Variants in FYB1 observed in about 807,000 individuals in gnomAD.
FYB1 encodes FYN binding protein 1.
A neutral mutation model predicts 94.1 loss-of-function variants in FYB1; 41 were observed. That is an observed-to-expected ratio of 0.44 (90% CI 0.34 to 0.57). FYB1 has a LOEUF of 0.57. Among genes scored for constraint, FYB1 ranks in the 20% least tolerant of loss-of-function variants. FYB1 has a pLI of 0.02. For synonymous variants in FYB1, 367 were observed against 353.2 expected (o/e 1.04, Z -0.44); for missense variants, 1,050 against 976.8 (o/e 1.07, Z -1.00).
At chr5:39,169,773 G>T in intron 2 of FYB1, 1 of 492,244 alleles carries the variant, frequency 2.0e-6, no homozygotes, top group South Asian at 1.7e-5. Flanking sequence ...CTCAGTGCAG[G>T]CAGCATTTGA....
intron 2 of FYB1, among the ~76,000 whole-genome samples, chr5:39,183,255 G>T (rs1297808749): frequency 2.6e-5 from 4 of 151,966 alleles, no homozygotes; most frequent in Non-Finnish European, 5.9e-5. Flanking sequence ...CAAAATGCTG[G>T]GATTACAGGC....
intron 1 of FYB1, chr5:39,274,362 C>T (rs155082): frequency 0.82 from 124,285 of 152,194 alleles, 52,830 homozygotes; most frequent in Non-Finnish European, 0.93. Context: ...ATGTGCCTGG[C>T]TAAGACCCCT....
At chr5:39,273,362 T>C (rs1752716450) in intron 1 of FYB1, among the ~76,000 whole-genome samples, 1 of 152,250 alleles carries the variant, frequency 6.6e-6, no homozygotes, top group Non-Finnish European at 1.5e-5. Context: ...CTATAACTTG[T>C]AGTCCACAAG....
chr5:39,263,902 A>G (rs4957426), intron 1 of FYB1, among the ~76,000 whole-genome samples: 17,134 of 152,136 alleles, frequency 0.11, 1,224 homozygotes, highest in African/African-American at 0.2. Flanking sequence ...CCCACTCCTC[A>G]GCTCAGGTGT....
At chr5:39,157,629 C>T (rs1376349630) in intron 2 of FYB1, among the ~76,000 whole-genome samples, 2 of 151,770 alleles carry the variant, frequency 1.3e-5, no homozygotes, top group East Asian at 3.9e-4. Flanking sequence ...AAGTTTAGAC[C>T]TCAGTTGGCA....
At chr5:39,141,538 C>A (rs1406569863) in intron 3 of FYB1, among the ~76,000 whole-genome samples, 1 of 152,096 alleles carries the variant, frequency 6.6e-6, no homozygotes, top group Admixed American at 6.6e-5. Flanking sequence ...ACCTGTAATC[C>A]CAGCACTTTG....
chr5:39,130,508 C>T, intron 10 of FYB1, 82 bp downstream of exon 10: 1 of 1,124,626 alleles, frequency 8.9e-7, no homozygotes, highest in Non-Finnish European at 1.3e-6. Flanking sequence ...ATGCATGTAA[C>T]AAAATAACAC....
intron 2 of FYB1, among the ~76,000 whole-genome samples, chr5:39,198,537 A>G (rs1002098721): frequency 3.3e-5 from 5 of 152,220 alleles, no homozygotes; most frequent in African/African-American, 7.2e-5. Flanking sequence ...TATTTATGAC[A>G]GTTCAAATTA....
chr5:39,242,759 G>A (rs1420282393), intron 1 of FYB1, among the ~76,000 whole-genome samples: 1 of 152,172 alleles, frequency 6.6e-6, no homozygotes, highest in African/African-American at 2.4e-5. Context: ...CCCACCAACA[G>A]TGTAAAAATG....
chr5:39,201,195 T>G (rs182949314), intron 2 of FYB1, among the ~76,000 whole-genome samples: 14 of 152,332 alleles, frequency 9.2e-5, no homozygotes, highest in African/African-American at 3.1e-4. Flanking sequence ...GGAAACATGA[T>G]GAATTGTGTG....
intron 3 of FYB1, among the ~76,000 whole-genome samples, chr5:39,146,102 A>T (rs1409962213): frequency 2.0e-5 from 3 of 151,702 alleles, no homozygotes; most frequent in African/African-American, 7.3e-5. Flanking sequence ...TTTAATAGAG[A>T]CAGGGTTTCA....
chr5:39,148,158 TATATATATATATATATATA>T (rs1561175434), intron 3 of FYB1, among the ~76,000 whole-genome samples: 112 of 5,190 alleles, frequency 0.022, 2 homozygotes, highest in African/African-American at 0.072. Flanking sequence ...GTATTTTTTA[TATATATATATATATATATA>T]TATATATATA....
intron 1 of FYB1, among the ~76,000 whole-genome samples, chr5:39,257,604 G>A (rs1205230154): frequency 6.6e-6 from 1 of 151,920 alleles, no homozygotes; most frequent in Non-Finnish European, 1.5e-5. Flanking sequence ...GCACAGAGAA[G>A]GTAAATTGTA....
intron 3 of FYB1, among the ~76,000 whole-genome samples, chr5:39,142,142 C>G (rs1288266766): frequency 2.6e-5 from 4 of 152,178 alleles, no homozygotes; most frequent in African/African-American, 7.2e-5. Context: ...CTGGACATTA[C>G]AAACAATTGG....
At position 39,169,406 on chromosome 5, in the gene FYB1, A is replaced by G; in HGVS notation, c.1136-15802T>C. ...GAATTTTTCCGTACATTCCTGCCAG[A>G]TTAGTTTCTGTGCCATTAAAAAGAA... is the stretch of plus-strand genomic sequence containing the variant. On this transcript the variant is annotated intron_variant, in intron 2 of 18. Transcript: ENST00000512982. 9.3e-6 allele frequency: 7 copies of G among 752,924 alleles called. No individual in the cohort carries two copies. The South Asian group carries it at 9.4e-5, about 10-fold the overall frequency. The allele number at this position is 752,924 out of a possible 1,614,324, so 46.6% of individuals were successfully genotyped here.
chr5:39,170,727 C>G (rs1163843005), intron 2 of FYB1, among the ~76,000 whole-genome samples: 5 of 152,236 alleles, frequency 3.3e-5, no homozygotes, highest in African/African-American at 1.2e-4. Flanking sequence ...CATTATGGCT[C>G]CAATTTCAAT....
chr5:39,205,678 C>A (rs760815170), intron 1 of FYB1, among the ~76,000 whole-genome samples: 4 of 152,114 alleles, frequency 2.6e-5, no homozygotes, highest in African/African-American at 9.7e-5. Context: ...TGGATTGGAA[C>A]GTAAGTCTCT....
intron 1 of FYB1, chr5:39,270,920 A>G: frequency 6.1e-6 from 1 of 162,876 alleles, no homozygotes; most frequent in Non-Finnish European, 1.1e-5. Flanking sequence ...ATATTTTTGG[A>G]TACATATGTG....
At chr5:39,137,504 T>C in intron 7 of FYB1, 96 bp downstream of exon 7, 1 of 1,375,182 alleles carries the variant, frequency 7.3e-7, no homozygotes, top group South Asian at 1.5e-5. Flanking sequence ...GAATAAGTAA[T>C]TCTTCAACTA....
Sources: gnomAD v4.1 joint callset for allele counts (sites outside exome capture counted in the v4.1 genomes callset) on GRCh38, gnomAD v4.1.1 for gene constraint, MANE v1.5 for transcripts, NCBI Gene and HGNC (gene_info 2026-07-23, HGNC 2026-07-21) for gene names.